The following SYNE1 variants were observed in gnomAD, a reference collection of about 807,000 sequenced individuals.
SYNE1 encodes nesprin-1.
SYNE1 carries 616 observed loss-of-function variants against 1,111.0 expected under a neutral mutation model. The observed-to-expected ratio is 0.55, with a 90% CI of 0.52 to 0.59. SYNE1 has a LOEUF of 0.59. SYNE1 is among the 20% of genes least tolerant of loss of function. The probability of loss-of-function intolerance (pLI) is 0.00; values close to 1 mark genes in which losing one functional copy is unlikely to be tolerated. For synonymous variants in SYNE1, 3,855 were observed against 3,825.8 expected, an observed-to-expected ratio of 1.01 and a Z score of -0.28; for missense variants, 10,006 against 10,417.0, an observed-to-expected ratio of 0.96 and a Z score of 1.72.
rs1343734798 is a variant in SYNE1 at position 152,461,584 on chromosome 6, A to C, written c.2394+13T>G. 8.7e-6 allele frequency: 14 copies of C among 1,613,808 alleles called. No homozygotes were observed. The highest frequency in any genetic ancestry group is 1.1e-5 in the Non-Finnish European group (13 of 1,179,884). ...TGTCACACAGCCTATTGTGCATTAA[A>C]TTATTTTCGCACCTTGGTTAGCTGC... On this transcript the variant is annotated intron_variant, in intron 21 of 145. Coordinates refer to ENST00000367255, the MANE Select transcript of SYNE1 (RefSeq NM_182961.4).
At chr6:152,412,423 C>CAA (rs1168538010) in intron 42 of SYNE1, among the ~76,000 whole-genome samples, 8 of 72,552 alleles carry the variant, frequency 1.1e-4, no homozygotes, top group African/African-American at 2.4e-4. Flanking sequence ...GACTCCGTCT[C>CAA]AAAAAAAAAA....
At position 152,362,139 on chromosome 6, in the gene SYNE1, A is replaced by C. The variant is rs370791524; in HGVS notation, c.10299+31T>G. On this transcript the variant is annotated intron_variant, in intron 64 of 145. Coordinates refer to ENST00000367255, the MANE Select transcript of SYNE1 (RefSeq NM_182961.4). ...TGGCATTCTAAAGAAGCCTGTGAGA[A>C]AACACATGGAATCTGAAATCCAGCT... 1.6e-5 allele frequency: 26 copies of C among 1,614,168 alleles called. No homozygotes were observed. The East Asian group carries it at 5.1e-4, about 32-fold the overall frequency.
At chr6:152,443,875 G>A (rs1167646518) in intron 30 of SYNE1, among the ~76,000 whole-genome samples, 2 of 152,244 alleles carry the variant, frequency 1.3e-5, no homozygotes, top group East Asian at 3.9e-4. Context: ...GATTAAAATA[G>A]CTTCTTATCA....
rs756232172 is a variant in SYNE1, at chr6:152,391,580, G to GAAAAA, written c.7713-17_7713-13dup. 23,756 of 1,319,556 alleles carry GAAAAA rather than the reference G, an allele frequency of 0.018. 435 individuals carry two copies. Among genetic ancestry groups the GAAAAA allele is most frequent in the East Asian group, 0.065 (2,311 of 35,290 alleles). 81.7% of individuals were successfully genotyped at this position (1,319,556 alleles called of 1,614,324 possible). A position where few individuals can be genotyped will look rare whatever the true frequency, so the allele number is the denominator to read the frequency against. On this transcript the variant is annotated splice_polypyrimidine_tract_variant and intron_variant, in intron 51 of 145. Coordinates refer to ENST00000367255, the MANE Select transcript of SYNE1 (RefSeq NM_182961.4). Reference sequence around the variant, plus strand: ...TATCAAGAGACTCTCTGAAAAAAAGGAAAAAAAAAAAAAAGAAAAAAAATT... The same window carrying GAAAAA: ...TATCAAGAGACTCTCTGAAAAAAAGGAAAAAAAAAAAAAAAAAAAGAAAAAAAATT...
In SYNE1 at chr6:152,122,722, G is replaced by A. The variant is rs769678935; in HGVS notation, c.26154-46C>T. The A allele has an allele frequency of 1.1e-5, 17 of 1,611,324 alleles. No homozygotes were observed. In the South Asian group the frequency reaches 1.9e-4, roughly 18 times the overall value. On this transcript the variant is annotated intron_variant, in intron 145 of 145. Transcript: ENST00000367255. ...AATTACTCAGATAACTCCAGTGTCG[G>A]AGGGACGCTGCTTTTTGCCTCTGCA... is the stretch of plus-strand genomic sequence containing the variant.
intron 145 of SYNE1, 118 bp from the exon 146 acceptor site, chr6:152,122,794 G>C (rs1002789799): frequency 8.6e-6 from 13 of 1,504,912 alleles, no homozygotes; most frequent in South Asian, 2.3e-5. Context: ...CCAGCCTGGC[G>C]ATCAGCTGCC....
chr6:152,429,526 G>A (rs543465127), intron 36 of SYNE1, among the ~76,000 whole-genome samples: 88 of 152,090 alleles, frequency 5.8e-4, no homozygotes, highest in Middle Eastern at 3.4e-3. Flanking sequence ...ATAAATGTTC[G>A]TGCACACATG....
At chr6:152,364,117 G>T (rs1043609059) in intron 63 of SYNE1, among the ~76,000 whole-genome samples, 8 of 152,158 alleles carry the variant, frequency 5.3e-5, no homozygotes, top group African/African-American at 1.9e-4. Flanking sequence ...GAGATCTGAT[G>T]ATTTTATAAG....
At position 152,284,183 on chromosome 6, in the gene SYNE1, G is replaced by A. The variant is rs1422132456; in HGVS notation, c.18013-11C>T. 11 of 1,613,882 alleles carry A rather than the reference G, an allele frequency of 6.8e-6. No individual in the cohort carries two copies. Among genetic ancestry groups the A allele is most frequent in the Non-Finnish European group, 9.3e-6 (11 of 1,179,914 alleles). On this transcript the variant is annotated splice_polypyrimidine_tract_variant and intron_variant, in intron 95 of 145. Transcript: ENST00000367255. ...CTCATCCATCAATGCCTGGAGGAAA[G>A]ACTGTGGAATCACACTCATGTATTC...
chr6:152,498,947 T>C (rs2099014026), intron 10 of SYNE1, among the ~76,000 whole-genome samples, 155 bp from the exon 11 acceptor site: 1 of 152,154 alleles, frequency 6.6e-6, no homozygotes, highest in African/African-American at 2.4e-5. Flanking sequence ...TTTTCATAGC[T>C]TTTGAAACTA....
chr6:152,346,002 TG>T (rs2154022964), intron 73 of SYNE1, among the ~76,000 whole-genome samples: 1 of 152,232 alleles, frequency 6.6e-6, no homozygotes, highest in African/African-American at 2.4e-5. Context: ...AAATAATTAT[TG>T]TGAAAAATAT....
At chr6:152,156,515 C>T (rs1434030884) in intron 131 of SYNE1, among the ~76,000 whole-genome samples, 2 of 152,172 alleles carry the variant, frequency 1.3e-5, no homozygotes, top group East Asian at 1.9e-4. Flanking sequence ...ATGCTTAAGT[C>T]CTTGATATTG....
intron 3 of SYNE1, among the ~76,000 whole-genome samples, chr6:152,627,717 T>C (rs1239069513): frequency 6.6e-6 from 1 of 152,154 alleles, no homozygotes; most frequent in East Asian, 1.9e-4. Context: ...AGAGCATCAC[T>C]GAGGGATGCA....
intron 42 of SYNE1, among the ~76,000 whole-genome samples, chr6:152,411,580 T>C (rs117462361): frequency 0.022 from 3,341 of 152,172 alleles, 52 homozygotes; most frequent in Non-Finnish European, 0.035. Context: ...GACATACAGA[T>C]TGCAAATAAC....
chr6:152,240,018 A>G (rs959989354), intron 107 of SYNE1, among the ~76,000 whole-genome samples: 4 of 152,214 alleles, frequency 2.6e-5, no homozygotes, highest in Non-Finnish European at 5.9e-5. Context: ...AGATCGTGCC[A>G]CTGCACTCCA....
At position 152,273,399 on chromosome 6, in the gene SYNE1, CCTCA is replaced by C. The variant is rs777822247; in HGVS notation, c.18574-4117_18574-4114del. ...TTTATTGTATTACTTGCATTTAAATCCTCACTGTTTTTTTTCTTTTTGATTATTT... is the reference window on the plus strand; with the variant it reads ...TTTATTGTATTACTTGCATTTAAATCCTGTTTTTTTTCTTTTTGATTATTT... On this transcript the variant is annotated intron_variant, in intron 98 of 145. Coordinates refer to ENST00000367255, the MANE Select transcript of SYNE1 (RefSeq NM_182961.4). Among the ~76,000 whole-genome samples, 74 of 152,274 alleles carry C rather than the reference CCTCA, an allele frequency of 4.9e-4. 1 individual carries two copies. The highest frequency in any genetic ancestry group is 2.1e-3 in the Admixed American group (32 of 15,292).
rs150683624 is a variant in SYNE1 at position 152,194,097 on chromosome 6, T to C, written c.23146-4690A>G. Among the ~76,000 whole-genome samples the C allele has an allele frequency of 2.1e-3, 320 of 152,320 alleles. 4 individuals carry two copies. The highest frequency in any genetic ancestry group is 7.5e-3 in the African/African-American group (311 of 41,564). On this transcript the variant is annotated intron_variant, in intron 127 of 145. Coordinates refer to ENST00000367255, the MANE Select transcript of SYNE1 (RefSeq NM_182961.4). Reference sequence around the variant, plus strand: ...TTTTCTGTGTATTTACTATTACCAGTGAGTTCTGCACCTTCACATGCTTTC... The same window carrying C: ...TTTTCTGTGTATTTACTATTACCAGCGAGTTCTGCACCTTCACATGCTTTC...
In SYNE1 at chr6:152,528,306, CTGAATGAA is replaced by C. The variant is rs145549418; in HGVS notation, c.130-2139_130-2132del. Among the ~76,000 whole-genome samples, 1,313 of 151,854 alleles carry C rather than the reference CTGAATGAA, an allele frequency of 8.6e-3. 25 individuals are homozygous for C. The highest frequency in any genetic ancestry group is 0.03 in the African/African-American group (1,253 of 41,270). ...GCTGGCTTGCTGGCTGACTGACTGA[CTGAATGAA>C]TGAATGAATGAATGTAAATATTGTG... On this transcript the variant is annotated intron_variant, in intron 4 of 145. Transcript: ENST00000367255.
chr6:152,141,161 C>G, intron 139 of SYNE1, 42 bp downstream of exon 139: 2 of 1,613,680 alleles, frequency 1.2e-6, no homozygotes, highest in South Asian at 2.2e-5. Context: ...GCTTCAGGAT[C>G]TTCTATTTCA....
Sources: allele counts gnomAD v4.1 joint callset (sites outside exome capture counted in the v4.1 genomes callset), GRCh38; gene constraint gnomAD v4.1.1; transcripts MANE v1.5; gene names NCBI Gene and HGNC (gene_info 2026-07-23, HGNC 2026-07-21).